MEMO1: variants seen among roughly 807,000 people sequenced by gnomAD.
MEMO1 encodes mediator of cell motility 1.
MEMO1 carries 6 observed loss-of-function variants against 45.2 expected under a neutral mutation model. That is an observed-to-expected ratio of 0.13 (90% CI 0.07 to 0.26). The LOEUF is 0.26. MEMO1 is among the 10% of genes least tolerant of loss of function. MEMO1 has a pLI of 1.00. For synonymous variants in MEMO1, 78 were observed against 124.3 expected (o/e 0.63, Z 2.48); for missense variants, 184 against 370.5 (o/e 0.50, Z 4.13).
At position 31,969,586 on chromosome 2, in the gene MEMO1, GGTGTGTGTGTGT is replaced by G. The variant is rs367639470; in HGVS notation, c.62-26215_62-26204del. Among the ~76,000 whole-genome samples the G allele has an allele frequency of 2.4e-3, 291 of 119,260 alleles. 3 individuals are homozygous for G. The highest frequency in any genetic ancestry group is 0.015 in the South Asian group (54 of 3,500). 78.2% of individuals were successfully genotyped at this position (119,260 alleles called of 152,430 possible). On this transcript the variant is annotated intron_variant, in intron 2 of 9. Transcript: ENST00000404530. ...AATCTTTTCTGGGGGTGTGTGTGTG[GGTGTGTGTGTGT>G]GTGTGTGTGTGTGTGTGTGTGTGTG...
At position 31,868,547 on chromosome 2, in the gene MEMO1, C is replaced by G. The variant is rs975381387; in HGVS notation, c.763-55G>C. On this transcript the variant is annotated intron_variant, in intron 9 of 9. Transcript: ENST00000404530. ...CACATCACATAAAAAACTGGGCACT[C>G]AATGTGTTTGCGGTTTGACTTTGTC... is the stretch of plus-strand genomic sequence containing the variant. 2.0e-6 allele frequency: 3 copies of G among 1,492,602 alleles called. No homozygotes were observed. The African/African-American group carries it at 4.3e-5, about 21-fold the overall frequency. 92.5% of individuals were successfully genotyped at this position (1,492,602 alleles called of 1,614,324 possible). A position where few individuals can be genotyped will look rare whatever the true frequency, so the allele number is the denominator to read the frequency against.
intron 2 of MEMO1, among the ~76,000 whole-genome samples, chr2:31,946,466 T>A (rs903818597): frequency 6.6e-6 from 1 of 152,218 alleles, no homozygotes; most frequent in Non-Finnish European, 1.5e-5. Flanking sequence ...AAAAAACTTA[T>A]ACAAAGTAAT....
chr2:31,978,558 G>A (rs534682515), intron 2 of MEMO1, among the ~76,000 whole-genome samples: 36 of 152,180 alleles, frequency 2.4e-4, no homozygotes, highest in African/African-American at 7.5e-4. Context: ...TCGGCTTCCC[G>A]AGTAGCTAGG....
At chr2:32,007,804 C>T (rs1254071057) in intron 2 of MEMO1, among the ~76,000 whole-genome samples, 1 of 152,168 alleles carries the variant, frequency 6.6e-6, no homozygotes, top group African/African-American at 2.4e-5. Flanking sequence ...ATATTAAAGA[C>T]AGGTGTTACT....
intron 2 of MEMO1, among the ~76,000 whole-genome samples, chr2:31,965,289 G>C (rs1052559096): frequency 2.0e-5 from 3 of 151,372 alleles, no homozygotes; most frequent in African/African-American, 7.3e-5. Context: ...GAAGGGAAGG[G>C]AAGAAGGGAA....
At chr2:31,933,994 G>A (rs1664609063) in intron 3 of MEMO1, among the ~76,000 whole-genome samples, 1 of 152,142 alleles carries the variant, frequency 6.6e-6, no homozygotes, top group African/African-American at 2.4e-5. Flanking sequence ...GCTTCAGACT[G>A]CTAACACCTG....
chr2:31,916,792 T>C (rs549762765), intron 6 of MEMO1, among the ~76,000 whole-genome samples: 6 of 152,306 alleles, frequency 3.9e-5, no homozygotes, highest in Non-Finnish European at 7.4e-5. Context: ...ATGGTTATCA[T>C]TGTGAGCAGA....
chr2:31,961,947 T>C (rs912430248), intron 2 of MEMO1, among the ~76,000 whole-genome samples: 2 of 152,170 alleles, frequency 1.3e-5, no homozygotes, highest in East Asian at 1.9e-4. Context: ...ACTCCCACTA[T>C]AGCATGCTGA....
At chr2:31,943,866 C>G (rs1572760847) in intron 2 of MEMO1, among the ~76,000 whole-genome samples, 1 of 152,130 alleles carries the variant, frequency 6.6e-6, no homozygotes, top group African/African-American at 2.4e-5. Flanking sequence ...TATCGATAAC[C>G]AGTAACTACG....
intron 2 of MEMO1, among the ~76,000 whole-genome samples, chr2:31,960,038 A>G (rs2148403939): frequency 6.6e-6 from 1 of 152,290 alleles, no homozygotes; most frequent in African/African-American, 2.4e-5. Flanking sequence ...CCTGGCTAAA[A>G]GTACAAAAAT....
chr2:31,906,943 CTA>C (rs1213966892), intron 6 of MEMO1, among the ~76,000 whole-genome samples: 1 of 152,160 alleles, frequency 6.6e-6, no homozygotes, highest in African/African-American at 2.4e-5. Context: ...TTTTTTCTAA[CTA>C]TGCAACCCAG....
intron 2 of MEMO1, among the ~76,000 whole-genome samples, chr2:31,960,581 A>C (rs548353615): frequency 6.6e-5 from 10 of 152,224 alleles, no homozygotes; most frequent in African/African-American, 2.4e-4. Context: ...TATGAAAAGT[A>C]AAATCTTCTC....
chr2:31,978,904 T>G (rs956883256), intron 2 of MEMO1, among the ~76,000 whole-genome samples: 3 of 152,184 alleles, frequency 2.0e-5, no homozygotes, highest in African/African-American at 7.2e-5. Context: ...AAGGCAATAC[T>G]TTGCCTATGG....
chr2:31,990,968 G>GA (rs1671875741), intron 2 of MEMO1, among the ~76,000 whole-genome samples: 1 of 151,910 alleles, frequency 6.6e-6, no homozygotes. Context: ...TGAAAAACCA[G>GA]AATAAGGAGC....
chr2:31,952,365 G>C (rs1170708138), intron 2 of MEMO1, among the ~76,000 whole-genome samples: 1 of 152,198 alleles, frequency 6.6e-6, no homozygotes, highest in African/African-American at 2.4e-5. Flanking sequence ...CCACCTCTTA[G>C]ATTTGGCCAA....
At chr2:32,005,791 A>T (rs1673994235) in intron 2 of MEMO1, among the ~76,000 whole-genome samples, 1 of 152,192 alleles carries the variant, frequency 6.6e-6, no homozygotes, top group African/African-American at 2.4e-5. Flanking sequence ...ATACTTATTG[A>T]GCATCTACTA....
chr2:32,010,361 C>G (rs1393369500), intron 1 of MEMO1, 97 bp from the exon 2 acceptor site: 3 of 493,522 alleles, frequency 6.1e-6, no homozygotes, highest in Non-Finnish European at 1.0e-5. Flanking sequence ...CAGGAGGAGG[C>G]GGCAGCGGGG....
chr2:31,956,044 A>G (rs1468639116), intron 2 of MEMO1, among the ~76,000 whole-genome samples: 2 of 152,248 alleles, frequency 1.3e-5, no homozygotes, highest in Non-Finnish European at 2.9e-5. Flanking sequence ...AATCTGGACC[A>G]TAAAAAGCAA....
At chr2:31,916,905 A>C (rs1342233374) in intron 6 of MEMO1, among the ~76,000 whole-genome samples, 1 of 152,228 alleles carries the variant, frequency 6.6e-6, no homozygotes, top group Non-Finnish European at 1.5e-5. Flanking sequence ...AGAAAAACTA[A>C]ACAGCAATAA....
Sources: allele counts gnomAD v4.1 joint callset (sites outside exome capture counted in the v4.1 genomes callset), GRCh38; gene constraint gnomAD v4.1.1; transcripts MANE v1.5; gene names NCBI Gene and HGNC (gene_info 2026-07-23, HGNC 2026-07-21).